COL23A1: variants seen among roughly 807,000 people sequenced by gnomAD.
The protein encoded by COL23A1 is collagen alpha-1(XXIII) chain.
Under a neutral mutation model 99.3 loss-of-function variants are expected in COL23A1, and 97 were observed. The observed-to-expected ratio is 0.98, with a 90% CI of 0.83 to 1.16. The LOEUF is 1.16. COL23A1 is among the 50% of genes most tolerant of loss of function. The pLI is 0.00. For missense variants in COL23A1, 762 were observed against 757.4 expected, an observed-to-expected ratio of 1.01 and a Z score of -0.07; for synonymous variants, 320 against 308.2, an observed-to-expected ratio of 1.04 and a Z score of -0.40.
At chr5:178,403,306 G>A (rs1457944768) in intron 2 of COL23A1, among the ~76,000 whole-genome samples, 1 of 152,038 alleles carries the variant, frequency 6.6e-6, no homozygotes, top group Non-Finnish European at 1.5e-5. Flanking sequence ...CCTGCCCAAG[G>A]TCATGCACCC....
At chr5:178,358,487 GT>G (rs1761949393) in intron 2 of COL23A1, among the ~76,000 whole-genome samples, 1 of 141,814 alleles carries the variant, frequency 7.1e-6, no homozygotes, top group Non-Finnish European at 1.5e-5. Context: ...GCGTATATAT[GT>G]GTGTGTATGC....
At position 178,485,890 on chromosome 5, in the gene COL23A1, A is replaced by G. The variant is rs554969697; in HGVS notation, c.361+74792T>C. ...CCAGCTGAGTGGCCAGGGGAACCTC[A>G]GCTCCAGCTGTTCATTGTGTTGGGC... is the stretch of plus-strand genomic sequence containing the variant. On this transcript the variant is annotated intron_variant, in intron 2 of 28. Coordinates refer to ENST00000390654, the MANE Select transcript of COL23A1 (RefSeq NM_173465.4). 8.5e-5 allele frequency among the ~76,000 whole-genome samples: 13 copies of G among 152,122 alleles called. 1 individual carries two copies. The South Asian group carries it at 2.7e-3, about 32-fold the overall frequency.
chr5:178,347,519 T>C lies in COL23A1; in HGVS notation c.362-40600A>G, dbSNP rs564336521. 8.6e-5 allele frequency among the ~76,000 whole-genome samples: 13 copies of C among 151,872 alleles called. No individual in the cohort carries two copies. In the South Asian group the frequency reaches 2.7e-3, roughly 32 times the overall value. On this transcript the variant is annotated intron_variant, in intron 2 of 28. Transcript: ENST00000390654. ...ACAGTGGTGACGGCTGCACAGTGTG[T>C]GAATACACTAAAAACCACCGAGTCA...
intron 2 of COL23A1, among the ~76,000 whole-genome samples, chr5:178,488,783 GT>G (rs1486525137): frequency 6.6e-6 from 1 of 152,144 alleles, no homozygotes; most frequent in Non-Finnish European, 1.5e-5. Flanking sequence ...CCAGACGAGA[GT>G]TCTGGAGCTC....
intron 2 of COL23A1, among the ~76,000 whole-genome samples, chr5:178,391,818 A>G (rs182815560): frequency 6.6e-6 from 1 of 152,372 alleles, no homozygotes; most frequent in East Asian, 1.9e-4. Flanking sequence ...CAAAAGTCCA[A>G]GTATCCAAAT....
At chr5:178,466,063 AC>A (rs1756403438) in intron 2 of COL23A1, among the ~76,000 whole-genome samples, 1 of 151,594 alleles carries the variant, frequency 6.6e-6, no homozygotes, top group Non-Finnish European at 1.5e-5. Flanking sequence ...CTGGTGAACG[AC>A]CCCCATGAAT....
intron 3 of COL23A1, among the ~76,000 whole-genome samples, chr5:178,294,309 C>G (rs111324216): frequency 0.1 from 1,198 of 11,426 alleles, 113 homozygotes; most frequent in African/African-American, 0.2. Flanking sequence ...AATCACTACC[C>G]AGCTCCCTCC....
intron 3 of COL23A1, among the ~76,000 whole-genome samples, chr5:178,296,325 T>C (rs1034579761): frequency 6.6e-6 from 1 of 152,178 alleles, no homozygotes; most frequent in African/African-American, 2.4e-5. Context: ...GCAGCTCCAC[T>C]GAATGCGTTC....
intron 2 of COL23A1, among the ~76,000 whole-genome samples, chr5:178,518,236 C>T (rs915906434): frequency 1.4e-5 from 2 of 144,908 alleles, no homozygotes; most frequent in African/African-American, 5.3e-5. Flanking sequence ...TCAACAGGAT[C>T]CCAAGGCAGA....
At chr5:178,368,806 C>A (rs1471819785) in intron 2 of COL23A1, among the ~76,000 whole-genome samples, 1 of 152,252 alleles carries the variant, frequency 6.6e-6, no homozygotes, top group Non-Finnish European at 1.5e-5. Flanking sequence ...GACACCAACC[C>A]CTTTTTATTG....
chr5:178,570,036 C>G (rs1763010723), intron 1 of COL23A1, among the ~76,000 whole-genome samples: 1 of 152,000 alleles, frequency 6.6e-6, no homozygotes, highest in Admixed American at 6.5e-5. Context: ...AGCATGTTCC[C>G]TAGGGAGCGG....
chr5:178,426,299 C>A (rs890333656), intron 2 of COL23A1, among the ~76,000 whole-genome samples: 2 of 152,172 alleles, frequency 1.3e-5, no homozygotes, highest in Non-Finnish European at 2.9e-5. Context: ...TGTGCAAATG[C>A]CCTCTTAGTC....
intron 1 of COL23A1, among the ~76,000 whole-genome samples, chr5:178,570,467 A>G (rs1763037756): frequency 6.6e-6 from 1 of 152,168 alleles, no homozygotes; most frequent in African/African-American, 2.4e-5. Flanking sequence ...CACTATGTAC[A>G]TATGTTTTTC....
intron 22 of COL23A1, among the ~76,000 whole-genome samples, chr5:178,246,937 A>C (rs1764731657): frequency 1.3e-5 from 2 of 152,184 alleles, no homozygotes; most frequent in Non-Finnish European, 2.9e-5. Context: ...TCTCAGTCCC[A>C]CATCTGGCCT....
At chr5:178,249,708 A>ACTCTCTCT (rs1362181631) in intron 18 of COL23A1, among the ~76,000 whole-genome samples, 1 of 100,736 alleles carries the variant, frequency 9.9e-6, no homozygotes, top group African/African-American at 3.3e-5. Context: ...ACACACACAC[A>ACTCTCTCT]CACACACACT....
At chr5:178,267,799 C>G (rs914427873) in intron 7 of COL23A1, among the ~76,000 whole-genome samples, 1 of 152,348 alleles carries the variant, frequency 6.6e-6, no homozygotes, top group East Asian at 1.9e-4. Flanking sequence ...CAGCCAAGGC[C>G]GGCAGGAAGG....
intron 2 of COL23A1, among the ~76,000 whole-genome samples, chr5:178,385,258 G>A (rs1278665150): frequency 6.6e-6 from 1 of 152,122 alleles, no homozygotes; most frequent in Non-Finnish European, 1.5e-5. Flanking sequence ...GGGTTGCGGG[G>A]ACCCCTCTGA....
intron 2 of COL23A1, among the ~76,000 whole-genome samples, chr5:178,400,152 G>A (rs1764360972): frequency 6.6e-6 from 1 of 152,046 alleles, no homozygotes; most frequent in Admixed American, 6.6e-5. Flanking sequence ...GGATCATGAG[G>A]TCAGGAGATC....
intron 16 of COL23A1, among the ~76,000 whole-genome samples, chr5:178,252,863 A>G (rs893638028): frequency 2.0e-5 from 3 of 152,182 alleles, no homozygotes; most frequent in Admixed American, 6.5e-5. Context: ...CTCTGCCCCA[A>G]TCCAGATTTC....
Sources: allele counts gnomAD v4.1 joint callset (sites outside exome capture counted in the v4.1 genomes callset), GRCh38; gene constraint gnomAD v4.1.1; transcripts MANE v1.5; gene names NCBI Gene and HGNC (gene_info 2026-07-23, HGNC 2026-07-21).